Variants in SEC14L5 observed in about 807,000 individuals in gnomAD.
SEC14L5 encodes SEC14 like lipid binding 5.
In SEC14L5, 96 loss-of-function variants were observed where a neutral mutation model predicts 84.6. That is an observed-to-expected ratio of 1.13 (90% CI 0.96 to 1.34). SEC14L5 has a LOEUF of 1.34. Ranked by LOEUF, SEC14L5 falls within the 40% of genes most tolerant of loss-of-function variation. The pLI is 0.00. For synonymous variants in SEC14L5, 546 were observed against 383.4 expected (o/e 1.42, Z -4.95); for missense variants, 1,224 against 942.5 (o/e 1.30, Z -3.91).
intron 7 of SEC14L5, 41 bp downstream of exon 7, chr16:4,996,501 A>G: frequency 9.4e-7 from 1 of 1,063,544 alleles, no homozygotes; most frequent in Non-Finnish European, 1.4e-6. Context: ...ATGAATGGGC[A>G]ATGACTGGTA....
intron 15 of SEC14L5, among the ~76,000 whole-genome samples, chr16:5,013,720 G>A (rs1955834915): frequency 2.0e-5 from 3 of 151,812 alleles, no homozygotes; most frequent in Admixed American, 2.0e-4. Context: ...CACCACCCCT[G>A]GCTAATTTTT....
chr16:4,967,357 C>G (rs1461349706), intron 2 of SEC14L5, among the ~76,000 whole-genome samples: 1 of 152,052 alleles, frequency 6.6e-6, no homozygotes, highest in African/African-American at 2.4e-5. Context: ...TAAGGACACT[C>G]CAATGGCCTC....
At chr16:4,986,573 G>T (rs2142501396) in intron 2 of SEC14L5, among the ~76,000 whole-genome samples, 1 of 152,320 alleles carries the variant, frequency 6.6e-6, no homozygotes, top group East Asian at 1.9e-4. Context: ...TTTCTGTAAA[G>T]AAGTCAACTG....
chr16:5,009,582 C>T lies in SEC14L5; in HGVS notation c.1800+934C>T, dbSNP rs538474806. On this transcript the variant is annotated intron_variant, in intron 14 of 15. Coordinates refer to ENST00000251170, the MANE Select transcript of SEC14L5 (RefSeq NM_014692.2). ...CAAGCGATCCTCCTGCTTCAGCCTC[C>T]CAAAGTGCTGGGATTAGAGGCGTGA... Among the ~76,000 whole-genome samples, 4 of 152,248 alleles carry T rather than the reference C, an allele frequency of 2.6e-5. No individual in the cohort carries two copies. The South Asian group carries it at 6.2e-4, about 24-fold the overall frequency.
chr16:4,985,402 A>G (rs1348472854), intron 2 of SEC14L5, among the ~76,000 whole-genome samples: 1 of 151,664 alleles, frequency 6.6e-6, no homozygotes, highest in Non-Finnish European at 1.5e-5. Context: ...ATTTTTTTCT[A>G]TTTTTAGGAG....
chr16:5,015,224 G>C lies in SEC14L5; in HGVS notation c.*254G>C. Reference sequence around the variant, plus strand: ...TAAGGAAGACCAAGCCAAGGCCAAGGTGTCTACCATACCACACCTTTGGGA... The same window carrying C: ...TAAGGAAGACCAAGCCAAGGCCAAGCTGTCTACCATACCACACCTTTGGGA... On this transcript the variant is annotated 3_prime_UTR_variant, in exon 16 of 16. Transcript: ENST00000251170. The C allele has an allele frequency of 1.9e-6, 1 of 515,434 alleles. No homozygotes were observed. Among genetic ancestry groups the C allele is most frequent in the Non-Finnish European group, 3.5e-6 (1 of 289,198 alleles). 31.9% of individuals were successfully genotyped at this position (515,434 alleles called of 1,614,324 possible).
chr16:4,975,334 A>G (rs1955327196), intron 2 of SEC14L5, among the ~76,000 whole-genome samples: 1 of 151,804 alleles, frequency 6.6e-6, no homozygotes, highest in Non-Finnish European at 1.5e-5. Flanking sequence ...TTAGCTGGGC[A>G]TGGTGGTGGG....
At position 4,996,539 on chromosome 16, in the gene SEC14L5, G is replaced by C; in HGVS notation, c.780+79G>C. On this transcript the variant is annotated intron_variant, in intron 7 of 15. Transcript: ENST00000251170. ...CAGCCTCCGTGCATGGGAAGGAAAG[G>C]CGAGATGATAATGCTGACACATTAT... 4.1e-6 allele frequency: 3 copies of C among 731,154 alleles called. No homozygotes were observed. The East Asian group carries it at 8.2e-5, about 20-fold the overall frequency. The allele number at this position is 731,154 out of a possible 1,614,324, so 45.3% of individuals were successfully genotyped here. A position where few individuals can be genotyped will look rare whatever the true frequency, so the allele number is the denominator to read the frequency against.
chr16:5,008,769 C>A, intron 14 of SEC14L5, 121 bp downstream of exon 14: 1 of 848,494 alleles, frequency 1.2e-6, no homozygotes, highest in Admixed American at 2.7e-5. Flanking sequence ...CTCAGGGACC[C>A]TGCAGGACAG....
In SEC14L5 at chr16:5,003,663, GTTTCA is replaced by G; in HGVS notation, c.1302+99_1302+103del. On this transcript the variant is annotated intron_variant, in intron 11 of 15. Transcript: ENST00000251170. ...GCAAGCAGCTCTGCTCTCTTTTCCT[GTTTCA>G]TTTCATTTAGTAACTTTTTGGAGAT... is the stretch of plus-strand genomic sequence containing the variant. 2.0e-5 allele frequency: 17 copies of G among 869,206 alleles called. No homozygotes were observed. In the South Asian group the frequency reaches 3.1e-4, roughly 16 times the overall value. 53.8% of individuals were successfully genotyped at this position (869,206 alleles called of 1,614,324 possible). A position where few individuals can be genotyped will look rare whatever the true frequency, so the allele number is the denominator to read the frequency against.
rs973116532 is a variant in SEC14L5, at chr16:5,017,741, T to C, written c.*2771T>C. On this transcript the variant is annotated 3_prime_UTR_variant, in exon 16 of 16. Coordinates refer to ENST00000251170, the MANE Select transcript of SEC14L5 (RefSeq NM_014692.2). ...AGCAGGTATCCATGGTGGCATCTGC[T>C]ACGGCCGGCTCTCCTCCCATGTGGA... 1.3e-5 allele frequency: 2 copies of C among 152,006 alleles called. No individual in the cohort carries two copies. The highest frequency in any genetic ancestry group is 4.8e-5 in the African/African-American group (2 of 41,392). The allele number at this position is 152,006 out of a possible 1,614,324, so 9.4% of individuals were successfully genotyped here.
chr16:5,013,384 C>A, intron 15 of SEC14L5, among the ~76,000 whole-genome samples: 1 of 140,644 alleles, frequency 7.1e-6, no homozygotes, highest in East Asian at 2.0e-4. Context: ...ACCAGGGGGT[C>A]TTTTTATTTA....
intron 10 of SEC14L5, among the ~76,000 whole-genome samples, chr16:5,002,012 C>G (rs1029345995): frequency 3.3e-5 from 5 of 152,222 alleles, no homozygotes; most frequent in African/African-American, 1.2e-4. Flanking sequence ...TGAAGTGATC[C>G]TCCCACCTTG....
intron 10 of SEC14L5, among the ~76,000 whole-genome samples, chr16:5,001,361 C>T (rs1483715207): frequency 2.0e-5 from 3 of 151,350 alleles, no homozygotes; most frequent in Non-Finnish European, 4.4e-5. Context: ...CGGGTTCAAG[C>T]GATTCTCCTG....
intron 2 of SEC14L5, among the ~76,000 whole-genome samples, chr16:4,974,367 A>G (rs1434470240): frequency 6.6e-6 from 1 of 151,586 alleles, no homozygotes; most frequent in Non-Finnish European, 1.5e-5. Context: ...ATGCCTGCCT[A>G]GTTTTTTATT....
Position 5,017,702 on chromosome 16 carries a change from T to C in SEC14L5, c.*2732T>C, listed in dbSNP as rs1447903829. The C allele has an allele frequency of 2.0e-5, 3 of 152,150 alleles. No individual in the cohort carries two copies. 9.4% of individuals were successfully genotyped at this position (152,150 alleles called of 1,614,324 possible). A position where few individuals can be genotyped will look rare whatever the true frequency, so the allele number is the denominator to read the frequency against. Reference sequence around the variant, plus strand: ...CATTCCCCCAATGGACAAGAGAAGCTGGACCACAGAACCAGCAGGTATCCA... The same window carrying C: ...CATTCCCCCAATGGACAAGAGAAGCCGGACCACAGAACCAGCAGGTATCCA... On this transcript the variant is annotated 3_prime_UTR_variant, in exon 16 of 16. Coordinates refer to ENST00000251170, the MANE Select transcript of SEC14L5 (RefSeq NM_014692.2).
intron 11 of SEC14L5, among the ~76,000 whole-genome samples, chr16:5,004,761 CTCCT>C (rs1178390496): frequency 5.3e-5 from 8 of 152,220 alleles, no homozygotes; most frequent in Non-Finnish European, 1.2e-4. Context: ...ATGCCAAGGG[CTCCT>C]TCCTTCTTTC....
At chr16:4,981,023 G>A (rs528330414) in intron 2 of SEC14L5, among the ~76,000 whole-genome samples, 3 of 149,972 alleles carry the variant, frequency 2.0e-5, no homozygotes, top group Admixed American at 6.6e-5. Context: ...AGGGGGCTGG[G>A]ATGGGAGGTG....
rs74005436 is a variant in SEC14L5 at position 4,982,367 on chromosome 16, G to A, written c.64-5190G>A. On this transcript the variant is annotated intron_variant, in intron 2 of 15. Transcript: ENST00000251170. Reference sequence around the variant, plus strand: ...TAGGAGCAGACCCCGCTGGAATAAGGAATAAGGTCAGCCACAGATGCTGGG... The same window carrying A: ...TAGGAGCAGACCCCGCTGGAATAAGAAATAAGGTCAGCCACAGATGCTGGG... Among the ~76,000 whole-genome samples the A allele has an allele frequency of 1.7e-3, 265 of 152,268 alleles. 1 individual carries two copies. Among genetic ancestry groups the A allele is most frequent in the African/African-American group, 5.9e-3 (245 of 41,554 alleles).
Sources: gnomAD v4.1 joint callset for allele counts (sites outside exome capture counted in the v4.1 genomes callset) on GRCh38, gnomAD v4.1.1 for gene constraint, MANE v1.5 for transcripts, NCBI Gene and HGNC (gene_info 2026-07-23, HGNC 2026-07-21) for gene names.